ARTN: variants seen among roughly 807,000 people sequenced by gnomAD.
ARTN encodes the protein neublastin.
ARTN carries 9 observed loss-of-function variants against 15.4 expected under a neutral mutation model. The ratio of observed to expected loss-of-function variants is 0.58; its 90% CI spans 0.35 to 1.02. The LOEUF is 1.02. Ranked by LOEUF, ARTN falls within the 50% of genes least tolerant of loss-of-function variation. ARTN has a pLI of 0.02. For missense variants in ARTN, 284 were observed against 327.9 expected (o/e 0.87, Z 1.03); for synonymous variants, 163 against 155.8 (o/e 1.05, Z -0.35).
chr1:43,936,447 T>C lies in ARTN; in HGVS notation c.345T>C (p.Ala115=). 1.7e-6 allele frequency: 2 copies of C among 1,150,166 alleles called. No individual in the cohort carries two copies. The highest frequency in any genetic ancestry group is 2.1e-6 in the Non-Finnish European group (2 of 936,802). 71.2% of individuals were successfully genotyped at this position (1,150,166 alleles called of 1,614,324 possible). ...GGGCTGGGGGCCCGGGCAGCCGCGC[T>C]CGGGCAGCGGGGGCGCGGGGCTGCC... The part of the protein sequence containing the change: ...AARAGGPGSR[A]RAAGARGCRL... Residue 115 remains alanine, a synonymous_variant, in exon 5 of 5, where the codon GCT becomes GCC. Transcript: ENST00000372359. The surrounding 1 kb of genome is among the most constrained non-coding windows in gnomAD (Gnocchi z 6.6).
chr1:43,935,988 G>A lies in ARTN; in HGVS notation c.61-105G>A, dbSNP rs777968596. The stretch of plus-strand genomic sequence containing the variant: ...TCCACACAGCTAGGAGCCCATGCCC[G>A]GCCTGATCTCAGCCCGAGGACAGCC... On this transcript the variant is annotated intron_variant, in intron 3 of 4. Coordinates refer to ENST00000372359, the MANE Select transcript of ARTN (RefSeq NM_057091.3). 3.3e-6 allele frequency: 5 copies of A among 1,500,950 alleles called. No homozygotes were observed. In the African/African-American group the frequency reaches 4.1e-5, roughly 12 times the overall value. The allele number at this position is 1,500,950 out of a possible 1,614,324, so 93.0% of individuals were successfully genotyped here.
chr1:43,936,618 G>A lies in ARTN; in HGVS notation c.516G>A (p.Gly172=), dbSNP rs1425498306. 5 of 1,593,408 alleles carry A rather than the reference G, an allele frequency of 3.1e-6. No homozygotes were observed. The change falls in exon 5 of 5, where the codon GGG becomes GGA. Residue 172 remains glycine (G), a synonymous_variant. Transcript: ENST00000372359. This position sits in a 1 kb window ranked among gnomAD's most constrained non-coding sequence, Gnocchi z 6.6. ...DLSLASLLGA[G]ALRPPPGSRP... ...GCCTGGCCAGCCTACTGGGCGCCGG[G>A]GCCCTGCGACCGCCCCCGGGCTCCC...
At chr1:43,935,048 C>G (rs950594007) in intron 2 of ARTN, among the ~76,000 whole-genome samples, 1 of 152,200 alleles carries the variant, frequency 6.6e-6, no homozygotes, top group African/African-American at 2.4e-5. Flanking sequence ...TCAGGTGGCT[C>G]TGGGTCCAGA....
chr1:43,935,439 G>T (rs530568192), intron 2 of ARTN, 151 bp from the exon 3 acceptor site: 3 of 558,920 alleles, frequency 5.4e-6, no homozygotes, highest in African/African-American at 1.9e-5. Flanking sequence ...TGAAAGAATA[G>T]CTGCAAAGCA....
Position 43,935,597 on chromosome 1 carries a change from A to T in ARTN, c.-60A>T. ...CATCTCTTAATTTGCAAGCTGCCTC[A>T]ACAGGAGGGTGGGGGAACAGCTCAA... On this transcript the variant is annotated 5_prime_UTR_variant, in exon 3 of 5. Transcript: ENST00000372359. 6.4e-7 allele frequency: 1 copy of T among 1,567,592 alleles called. No homozygotes were observed. The highest frequency in any genetic ancestry group is 8.7e-7 in the Non-Finnish European group (1 of 1,149,814).
chr1:43,936,984 G>C lies in ARTN; in HGVS notation c.*219G>C, dbSNP rs2085107248. On this transcript the variant is annotated 3_prime_UTR_variant, in exon 5 of 5. Transcript: ENST00000372359. The surrounding 1 kb of genome is among the most constrained non-coding windows in gnomAD (Gnocchi z 6.6). ...TCACCCTGCGGATCCCAGCCTAAAA[G>C]ACACCAGAGACCTCAGCTATGGAGC... The C allele has an allele frequency of 3.6e-6, 2 of 558,590 alleles. No homozygotes were observed. Among genetic ancestry groups the C allele is most frequent in the African/African-American group, 1.9e-5 (1 of 51,524 alleles). The allele number at this position is 558,590 out of a possible 1,614,324, so 34.6% of individuals were successfully genotyped here.
At position 43,936,315 on chromosome 1, in the gene ARTN, C is replaced by T; in HGVS notation, c.213C>T (p.Ala71=). ...GTCTCATTCCAGGGGGACGCACGGC[C>T]CGCTGGTGCAGTGGAAGAGCCCGGC... is the stretch of plus-strand genomic sequence containing the variant. ...PAGHLPGGRT[A]RWCSGRARRP... is the part of the protein sequence containing the mutation. The change falls in exon 5 of 5, where the codon GCC becomes GCT. Residue 71 remains alanine, a synonymous_variant. Coordinates refer to ENST00000372359, the MANE Select transcript of ARTN (RefSeq NM_057091.3). This position sits in a 1 kb window ranked among gnomAD's most constrained non-coding sequence, Gnocchi z 6.6. 1 of 1,360,606 alleles carries T rather than the reference C, an allele frequency of 7.3e-7. No individual in the cohort carries two copies. The highest frequency in any genetic ancestry group is 3.1e-5 in the East Asian group (1 of 32,438). 84.3% of individuals were successfully genotyped at this position (1,360,606 alleles called of 1,614,324 possible).
chr1:43,935,472 A>C, intron 2 of ARTN, 118 bp from the exon 3 acceptor site: 1 of 617,034 alleles, frequency 1.6e-6, no homozygotes, highest in Non-Finnish European at 2.9e-6. Flanking sequence ...TAAGGTTCCC[A>C]GTGCAGCTAC....
At position 43,936,074 on chromosome 1, in the gene ARTN, A is replaced by C. The variant is rs1248303202; in HGVS notation, c.61-19A>C. On this transcript the variant is annotated intron_variant, in intron 3 of 4. Transcript: ENST00000372359. This position sits in a 1 kb window ranked among gnomAD's most constrained non-coding sequence, Gnocchi z 6.6. ...GTGCCCTCTTTCTCCCTGAGGCTCCACTTGGTCTCTCCGCGCAGCCTGCCC... is the reference window on the plus strand; with the variant it reads ...GTGCCCTCTTTCTCCCTGAGGCTCCCCTTGGTCTCTCCGCGCAGCCTGCCC... 6.2e-7 allele frequency: 1 copy of C among 1,613,000 alleles called. No individual in the cohort carries two copies. Among genetic ancestry groups the C allele is most frequent in the South Asian group, 1.1e-5 (1 of 91,008 alleles).
In ARTN at chr1:43,936,289, G is replaced by C. The variant is rs1031444712; in HGVS notation, c.200-13G>C. On this transcript the variant is annotated splice_polypyrimidine_tract_variant and intron_variant, in intron 4 of 4. Transcript: ENST00000372359. The surrounding 1 kb of genome is among the most constrained non-coding windows in gnomAD (Gnocchi z 6.6). ...TGGCCCGGGACACCGCGCGTGACTG[G>C]GTCTCATTCCAGGGGGACGCACGGC... 11 of 1,379,752 alleles carry C rather than the reference G, an allele frequency of 8.0e-6. No homozygotes were observed. The highest frequency in any genetic ancestry group is 3.0e-5 in the East Asian group (1 of 33,398). 85.5% of individuals were successfully genotyped at this position (1,379,752 alleles called of 1,614,324 possible).
Position 43,935,627 on chromosome 1 carries a change from G to T in ARTN, c.-30G>T. Reference sequence around the variant, plus strand: ...GAGGGTGGGGGAACAGCTCAACAATGGCTGATGGGCGCTCCTGGTGTTGAT... The same window carrying T: ...GAGGGTGGGGGAACAGCTCAACAATTGCTGATGGGCGCTCCTGGTGTTGAT... On this transcript the variant is annotated 5_prime_UTR_variant, in exon 3 of 5. The change abolishes an upstream ATG in the 5' untranslated region. Coordinates refer to ENST00000372359, the MANE Select transcript of ARTN (RefSeq NM_057091.3). 1 of 1,610,452 alleles carries T rather than the reference G, an allele frequency of 6.2e-7. No homozygotes were observed. The highest frequency in any genetic ancestry group is 2.2e-5 in the East Asian group (1 of 44,776).
At chr1:43,935,754 G>A (rs1286319783) in intron 3 of ARTN, 38 bp downstream of exon 3, 1 of 1,579,726 alleles carries the variant, frequency 6.3e-7, no homozygotes, top group African/African-American at 1.4e-5. Flanking sequence ...CTGGTACTGA[G>A]GAAAGGCGGC....
At chr1:43,935,819 G>C in intron 3 of ARTN, 103 bp downstream of exon 3, 1 of 1,205,396 alleles carries the variant, frequency 8.3e-7, no homozygotes, top group Non-Finnish European at 1.2e-6. Flanking sequence ...GTGTGGGAGG[G>C]AAAATGGTCA....
intron 2 of ARTN, 189 bp from the exon 3 acceptor site, chr1:43,935,401 G>T: frequency 2.0e-6 from 1 of 511,390 alleles, no homozygotes; most frequent in East Asian, 3.6e-5. Context: ...TGGAAAAAGG[G>T]GATTAAACCA....
chr1:43,936,297 T>C lies in ARTN; in HGVS notation c.200-5T>C. 1 of 1,371,096 alleles carries C rather than the reference T, an allele frequency of 7.3e-7. No individual in the cohort carries two copies. Among genetic ancestry groups the C allele is most frequent in the Non-Finnish European group, 9.3e-7 (1 of 1,072,170 alleles). The allele number at this position is 1,371,096 out of a possible 1,614,324, so 84.9% of individuals were successfully genotyped here. A position where few individuals can be genotyped will look rare whatever the true frequency, so the allele number is the denominator to read the frequency against. ...GACACCGCGCGTGACTGGGTCTCAT[T>C]CCAGGGGGACGCACGGCCCGCTGGT... On this transcript the variant is annotated splice_region_variant and splice_polypyrimidine_tract_variant and intron_variant, in intron 4 of 4. Transcript: ENST00000372359. This position sits in a 1 kb window ranked among gnomAD's most constrained non-coding sequence, Gnocchi z 6.6.
chr1:43,934,634 C>T (rs1031357225), intron 2 of ARTN: 1 of 152,548 alleles, frequency 6.6e-6, no homozygotes, highest in African/African-American at 2.4e-5. Flanking sequence ...GCTCTAGGGC[C>T]CCAAAAGGGT....
In ARTN at chr1:43,935,837, A is replaced by G. The variant is rs2085085679; in HGVS notation, c.60+121A>G. ...TGGGAGGGAAAATGGTCAGGGAGGG[A>G]CCAGGTGAATGGGAGGAGGAGCGGG... On this transcript the variant is annotated intron_variant, in intron 3 of 4. Coordinates refer to ENST00000372359, the MANE Select transcript of ARTN (RefSeq NM_057091.3). 12 of 1,040,428 alleles carry G rather than the reference A, an allele frequency of 1.2e-5. No individual in the cohort carries two copies. The South Asian group carries it at 1.8e-4, about 16-fold the overall frequency. The allele number at this position is 1,040,428 out of a possible 1,614,324, so 64.4% of individuals were successfully genotyped here.
chr1:43,936,530 A>C lies in ARTN; in HGVS notation c.428A>C (p.Glu143Ala). The C allele has an allele frequency of 1.3e-6, 2 of 1,503,090 alleles. No individual in the cohort carries two copies. The highest frequency in any genetic ancestry group is 1.8e-6 in the Non-Finnish European group (2 of 1,131,822). The allele number at this position is 1,503,090 out of a possible 1,614,324, so 93.1% of individuals were successfully genotyped here. Residue 143 changes from glutamate to alanine, a missense_variant, in exon 5 of 5, where the codon GAG becomes GCG. Transcript: ENST00000372359. This position sits in a 1 kb window ranked among gnomAD's most constrained non-coding sequence, Gnocchi z 6.6. Reference protein sequence around the residue: ...RALGLGHRSDELVRFRFCSGS... With the variant: ...RALGLGHRSDALVRFRFCSGS... The stretch of plus-strand genomic sequence containing the variant: ...CTCGGCCTGGGCCACCGCTCCGACG[A>C]GCTGGTGCGTTTCCGCTTCTGCAGC...
chr1:43,935,917 C>A, intron 3 of ARTN, 176 bp from the exon 4 acceptor site: 1 of 973,892 alleles, frequency 1.0e-6, no homozygotes, highest in Non-Finnish European at 1.6e-6. Flanking sequence ...CTCCCAGAGG[C>A]AGCAAACCCA....
Sources: allele counts gnomAD v4.1 joint callset (sites outside exome capture counted in the v4.1 genomes callset), GRCh38; gene constraint gnomAD v4.1.1; non-coding constraint Gnocchi (gnomAD v3.1); transcripts MANE v1.5; gene names NCBI Gene and HGNC (gene_info 2026-07-23, HGNC 2026-07-21).